Variants in ACOT12 observed in about 807,000 individuals in gnomAD.
ACOT12 encodes the protein acyl-CoA thioesterase 12, also known as acetyl-coenzyme A thioesterase.
A neutral mutation model predicts 67.7 loss-of-function variants in ACOT12; 51 were observed. The observed-to-expected ratio is 0.75, with a 90% CI of 0.60 to 0.95. The LOEUF (loss-of-function observed/expected upper bound fraction) is 0.95. ACOT12 is among the 40% of genes least tolerant of loss of function. The pLI is 0.00. For synonymous variants in ACOT12, 251 were observed against 244.6 expected (o/e 1.03, Z -0.24); for missense variants, 734 against 708.1 (o/e 1.04, Z -0.41).
chr5:81,334,149 C>T (rs1229017207), intron 12 of ACOT12, among the ~76,000 whole-genome samples: 2 of 152,066 alleles, frequency 1.3e-5, no homozygotes, highest in South Asian at 2.1e-4. Flanking sequence ...CTAAAAGCAA[C>T]TTCCACCACT....
intron 3 of ACOT12, among the ~76,000 whole-genome samples, chr5:81,368,179 C>G (rs1760139597): frequency 6.6e-6 from 1 of 152,068 alleles, no homozygotes; most frequent in African/African-American, 2.4e-5. Context: ...GTAATCCCAG[C>G]TATTTGAGAG....
intron 1 of ACOT12, among the ~76,000 whole-genome samples, chr5:81,390,537 ACTCCAGC>A (rs56338608): frequency 0.022 from 3,342 of 149,906 alleles, 96 homozygotes; most frequent in Non-Finnish European, 0.036. Context: ...CTCAAATGAG[ACTCCAGC>A]ACTGGCTGGA....
chr5:81,339,863 T>C (rs908270171), intron 11 of ACOT12, among the ~76,000 whole-genome samples: 2 of 151,630 alleles, frequency 1.3e-5, no homozygotes, highest in Non-Finnish European at 2.9e-5. Context: ...ATTTTTACCA[T>C]CTAATTTATA....
chr5:81,324,605 G>A, the ACOT12 span, among the ~76,000 whole-genome samples: 1 of 152,170 alleles, frequency 6.6e-6, no homozygotes, highest in Non-Finnish European at 1.5e-5. Context: ...AGGAGAAGAG[G>A]CCAAGGCCAG....
chr5:81,322,479 C>A, the ACOT12 span, among the ~76,000 whole-genome samples: 88 of 111,470 alleles, frequency 7.9e-4, no homozygotes, highest in Non-Finnish European at 1.0e-3. Flanking sequence ...AAAAAAAAAA[C>A]CCCACATACA....
At chr5:81,323,859 TGC>T in the ACOT12 span, among the ~76,000 whole-genome samples, 5 of 102,776 alleles carry the variant, frequency 4.9e-5, no homozygotes, top group Admixed American at 5.0e-4. Context: ...TACATGTATA[TGC>T]ATATGTATAT....
rs1758770117 is a variant in ACOT12 at position 81,330,240 on chromosome 5, C to G, written c.*154G>C. 2 of 762,158 alleles carry G rather than the reference C, an allele frequency of 2.6e-6. No homozygotes were observed. The highest frequency in any genetic ancestry group is 4.0e-6 in the Non-Finnish European group (2 of 500,202). 47.2% of individuals were successfully genotyped at this position (762,158 alleles called of 1,614,324 possible). Reference sequence around the variant, plus strand: ...GCTAATCCAAATCACTGGTATTTGACTTAAGATGCATTTTGTTTTTTAACT... The same window carrying G: ...GCTAATCCAAATCACTGGTATTTGAGTTAAGATGCATTTTGTTTTTTAACT... On this transcript the variant is annotated 3_prime_UTR_variant, in exon 15 of 15. Transcript: ENST00000307624.
chr5:81,331,419 C>T (rs1561319123), intron 13 of ACOT12, among the ~76,000 whole-genome samples: 1 of 152,166 alleles, frequency 6.6e-6, no homozygotes, highest in Admixed American at 6.6e-5. Flanking sequence ...TGCCTGTAAT[C>T]CCAGCTACTT....
chr5:81,323,096 A>C, the ACOT12 span, among the ~76,000 whole-genome samples: 5 of 152,062 alleles, frequency 3.3e-5, no homozygotes, highest in Non-Finnish European at 7.4e-5. Flanking sequence ...AAAAAAAAAA[A>C]AAAAACAGCA....
At chr5:81,375,663 GAA>G (rs797017833) in intron 2 of ACOT12, among the ~76,000 whole-genome samples, 1 of 126,146 alleles carries the variant, frequency 7.9e-6, no homozygotes. Flanking sequence ...CAAATGGAAA[GAA>G]AAAAAAAAAA....
At chr5:81,381,978 CATTT>C (rs774837843) in intron 2 of ACOT12, among the ~76,000 whole-genome samples, 3 of 152,190 alleles carry the variant, frequency 2.0e-5, no homozygotes, top group Non-Finnish European at 2.9e-5. Flanking sequence ...TTTCTCTATT[CATTT>C]GTTAGTGATA....
chr5:81,321,090 TA>T, the ACOT12 span, among the ~76,000 whole-genome samples: 9 of 152,056 alleles, frequency 5.9e-5, no homozygotes, highest in Admixed American at 5.9e-4. Flanking sequence ...ACCCCGTCTC[TA>T]CAAAAAATAC....
chr5:81,327,180 T>A (rs1387725406), downstream of ACOT12, among the ~76,000 whole-genome samples: 1 of 147,746 alleles, frequency 6.8e-6, no homozygotes, highest in African/African-American at 2.5e-5. Context: ...TGTATATATA[T>A]ATACACACAC....
rs774478305 is a variant in ACOT12, at chr5:81,345,994, A to G, written c.664T>C (p.Trp222Arg). 6.2e-7 allele frequency: 1 copy of G among 1,613,936 alleles called. No individual in the cohort carries two copies. Among genetic ancestry groups the G allele is most frequent in the African/African-American group, 1.3e-5 (1 of 75,044 alleles). Residue 222 changes from tryptophan to arginine, a missense_variant, in exon 7 of 15, where the codon TGG (tryptophan) becomes CGG (arginine). Physicochemically the swap from Trp to Arg is moderately radical, Grantham distance 101 (BLOSUM62 -3). Transcript: ENST00000307624. Reference protein sequence around the residue: ...VATISASRLCWAHPFLKSVDM... With the variant: ...VATISASRLCRAHPFLKSVDM... ...ACGGACTTCAGAAAGGGATGAGCCC[A>G]ACACAGGCGGCTGGGGAGACAAAGG...
intron 2 of ACOT12, among the ~76,000 whole-genome samples, chr5:81,381,023 A>T (rs1760567327): frequency 6.6e-6 from 1 of 152,110 alleles, no homozygotes; most frequent in Non-Finnish European, 1.5e-5. Flanking sequence ...GTATCCAAAC[A>T]TAGCTAAATG....
the ACOT12 span, chr5:81,311,295 C>T: frequency 1.2e-6 from 2 of 1,613,118 alleles, no homozygotes; most frequent in Non-Finnish European, 8.5e-7. Context: ...ATCTCTGGGC[C>T]TCTACTTAGA....
At chr5:81,326,470 A>T (rs1021910006), downstream of ACOT12, among the ~76,000 whole-genome samples, 11 of 152,094 alleles carry the variant, frequency 7.2e-5, no homozygotes, top group Non-Finnish European at 1.3e-4. Flanking sequence ...GTGGATGTTG[A>T]CAAAAGACAC....
intron 9 of ACOT12, 52 bp downstream of exon 9, chr5:81,344,108 T>C (rs1157594635): frequency 1.3e-5 from 21 of 1,570,166 alleles, no homozygotes; most frequent in Non-Finnish European, 1.8e-5. Context: ...TCTTATATAA[T>C]TTGTCAGATT....
At chr5:81,335,119 A>AGAAG (rs1426704623) in intron 12 of ACOT12, among the ~76,000 whole-genome samples, 1 of 152,216 alleles carries the variant, frequency 6.6e-6, no homozygotes, top group Non-Finnish European at 1.5e-5. Flanking sequence ...ATATTAAAGT[A>AGAAG]GAAGAGTGTA....
Sources: gnomAD v4.1 joint callset for allele counts (sites outside exome capture counted in the v4.1 genomes callset) on GRCh38, gnomAD v4.1.1 for gene constraint, MANE v1.5 for transcripts, NCBI Gene and HGNC (gene_info 2026-07-23, HGNC 2026-07-21) for gene names.